ZNF341: variants seen among roughly 807,000 people sequenced by gnomAD.
ZNF341 encodes zinc finger protein 341.
Under a neutral mutation model 87.7 loss-of-function variants are expected in ZNF341, and 52 were observed. The observed-to-expected ratio is 0.59, with a 90% CI of 0.47 to 0.75. ZNF341 has a LOEUF of 0.75. Ranked by LOEUF, ZNF341 falls within the 30% of genes least tolerant of loss-of-function variation. The pLI, the probability that ZNF341 is intolerant of heterozygous loss-of-function variation, is 0.00. For synonymous variants in ZNF341, 459 were observed against 472.7 expected (o/e 0.97, Z 0.38); for missense variants, 977 against 1,145.9 (o/e 0.85, Z 2.13).
At chr20:33,737,457 G>A (rs1379389386) in intron 1 of ZNF341, among the ~76,000 whole-genome samples, 1 of 152,184 alleles carries the variant, frequency 6.6e-6, no homozygotes, top group African/African-American at 2.4e-5. Context: ...AAGTAGCTGG[G>A]ACTGCAGGCA....
At chr20:33,775,467 C>T (rs1055002648) in intron 10 of ZNF341, among the ~76,000 whole-genome samples, 2 of 151,440 alleles carry the variant, frequency 1.3e-5, no homozygotes, top group Non-Finnish European at 2.9e-5. Context: ...CCTCGGCCTC[C>T]CAAAGTGCTA....
chr20:33,783,154 C>CAAATA (rs71192773), intron 11 of ZNF341, among the ~76,000 whole-genome samples: 40 of 149,990 alleles, frequency 2.7e-4, no homozygotes, highest in African/African-American at 7.6e-4. Context: ...AACTGCATCT[C>CAAATA]AAATAAAATA....
At position 33,789,532 on chromosome 20, in the gene ZNF341, G is replaced by A; in HGVS notation, c.1979G>A (p.Cys660Tyr). ...YKCPFSTHTGCSKEFNRPDKL... is the reference protein window; with the variant it reads ...YKCPFSTHTGYSKEFNRPDKL... ...TTGGGTTTTAGGACGCACACAGGCT[G>A]CAGTAAGGAGTTCAACCGGCCGGAC... The change falls in exon 14 of 15, where the codon TGC (cysteine) becomes TAC (tyrosine). Residue 660 changes from cysteine (C) to tyrosine (Y), a missense_variant. Around this residue, in one of 3 missense-constraint regions of ZNF341, gnomAD observed 241 missense variants for 335.0 expected, o/e 0.72. Transcript: ENST00000375200. 6.2e-7 allele frequency: 1 copy of A among 1,614,102 alleles called. No homozygotes were observed.
rs1214627329 is a variant in ZNF341 at position 33,732,523 on chromosome 20, G to A, written c.31+471G>A. ...ACTGTATGCCTCGTGCTAGGACGTAGTCTCAAAATCAGACCACAGCAGCAG... is the reference window on the plus strand; with the variant it reads ...ACTGTATGCCTCGTGCTAGGACGTAATCTCAAAATCAGACCACAGCAGCAG... On this transcript the variant is annotated intron_variant, in intron 1 of 14. Coordinates refer to ENST00000375200, the MANE Select transcript of ZNF341 (RefSeq NM_001282933.2). This position sits in a 1 kb window ranked among gnomAD's most constrained non-coding sequence, Gnocchi z 4.5. Among the ~76,000 whole-genome samples the A allele has an allele frequency of 1.3e-5, 2 of 152,238 alleles. No individual in the cohort carries two copies. Among genetic ancestry groups the A allele is most frequent in the East Asian group, 3.8e-4 (2 of 5,204 alleles).
intron 4 of ZNF341, among the ~76,000 whole-genome samples, chr20:33,750,603 A>G (rs1240868822): frequency 2.0e-5 from 3 of 151,788 alleles, no homozygotes; most frequent in African/African-American, 4.8e-5. Flanking sequence ...AGCTGGGACT[A>G]CATACATGGT....
intron 10 of ZNF341, among the ~76,000 whole-genome samples, chr20:33,772,185 G>A (rs1428203656): frequency 6.6e-6 from 1 of 152,032 alleles, no homozygotes; most frequent in Non-Finnish European, 1.5e-5. Flanking sequence ...ATGATGTCAT[G>A]AAATCCCCCA....
Position 33,791,445 on chromosome 20 carries a change from G to A in ZNF341, c.2493G>A (p.Ala831=), listed in dbSNP as rs146876084. ...GGCTGGGCTCCAACCTGGCTCTGGC[G>A]GAGCTGCAGGCTGGGGCCGAGGGCC... ...AEGLGSNLAL[A]ELQAGAEGPC... is the part of the protein sequence containing the mutation. The change falls in exon 15 of 15, where the codon GCG becomes GCA. Residue 831 remains alanine, a synonymous_variant. Coordinates refer to ENST00000375200, the MANE Select transcript of ZNF341 (RefSeq NM_001282933.2). 55 of 1,609,122 alleles carry A rather than the reference G, an allele frequency of 3.4e-5. No individual in the cohort carries two copies. In the African/African-American group the frequency reaches 4.0e-4, roughly 12 times the overall value.
intron 9 of ZNF341, 88 bp downstream of exon 9, chr20:33,767,129 G>T (rs985869922): frequency 6.9e-7 from 1 of 1,448,460 alleles, no homozygotes; most frequent in Non-Finnish European, 9.4e-7. Context: ...CTAGAAAGGG[G>T]TAGGAACCAG....
chr20:33,763,289 A>G (rs979717435), intron 8 of ZNF341, among the ~76,000 whole-genome samples: 7 of 152,122 alleles, frequency 4.6e-5, no homozygotes, highest in Non-Finnish European at 1.0e-4. Flanking sequence ...AATACTAGAC[A>G]TTGTACCAAC....
chr20:33,789,089 T>G lies in ZNF341; in HGVS notation c.1964+115T>G, dbSNP rs2068489500. The G allele has an allele frequency of 4.7e-5, 35 of 747,012 alleles. No homozygotes were observed. In the South Asian group the frequency reaches 6.2e-4, roughly 13 times the overall value. The allele number at this position is 747,012 out of a possible 1,614,324, so 46.3% of individuals were successfully genotyped here. On this transcript the variant is annotated intron_variant, in intron 13 of 14. Transcript: ENST00000375200. ...AGGGCAGGCCTCTCCTTTTTTTTTT[T>G]TTTGGAGACATAGTCTCACTCTGTC...
chr20:33,765,184 G>A (rs533820414), intron 8 of ZNF341, among the ~76,000 whole-genome samples: 1 of 152,186 alleles, frequency 6.6e-6, no homozygotes, highest in East Asian at 1.9e-4. Context: ...ATTGGATAGT[G>A]TAAGGCCAGA....
At position 33,781,283 on chromosome 20, in the gene ZNF341, C is replaced by A; in HGVS notation, c.1623-8C>A. ...TCCTCCCTCATCTCTCCTGCTCCTT[C>A]CACTTAGGTGTGTCAAATGTGTCAA... On this transcript the variant is annotated splice_polypyrimidine_tract_variant and splice_region_variant and intron_variant, in intron 10 of 14. Transcript: ENST00000375200. 2 of 1,612,494 alleles carry A rather than the reference C, an allele frequency of 1.2e-6. No homozygotes were observed. The highest frequency in any genetic ancestry group is 2.2e-5 in the South Asian group (2 of 91,060).
At chr20:33,781,505 C>T in intron 11 of ZNF341, 118 bp downstream of exon 11, 2 of 846,560 alleles carry the variant, frequency 2.4e-6, no homozygotes, top group Non-Finnish European at 3.8e-6. Context: ...GCAGGCAGGG[C>T]TCAGGGGCTG....
chr20:33,766,699 G>A, intron 8 of ZNF341, 152 bp from the exon 9 acceptor site: 1 of 755,062 alleles, frequency 1.3e-6, no homozygotes, highest in Non-Finnish European at 2.1e-6. Flanking sequence ...GTGCACAGCA[G>A]CTGAGTGTGA....
At chr20:33,754,325 G>A (rs761979202) in intron 5 of ZNF341, among the ~76,000 whole-genome samples, 10 of 152,104 alleles carry the variant, frequency 6.6e-5, no homozygotes, top group Admixed American at 3.3e-4. Context: ...AATGCACTGA[G>A]TTCATAGAAC....
At chr20:33,760,117 A>G (rs2019261626) in intron 7 of ZNF341, among the ~76,000 whole-genome samples, 1 of 152,170 alleles carries the variant, frequency 6.6e-6, no homozygotes, top group Admixed American at 6.6e-5. Flanking sequence ...AAATGCTCAA[A>G]TTGGGTTGGG....
chr20:33,790,055 A>G (rs2019966354), intron 14 of ZNF341, among the ~76,000 whole-genome samples: 2 of 151,174 alleles, frequency 1.3e-5, no homozygotes. Flanking sequence ...GGCACCATTG[A>G]CAATTTGGGC....
At chr20:33,754,790 T>C (rs959597630) in intron 5 of ZNF341, among the ~76,000 whole-genome samples, 2 of 152,162 alleles carry the variant, frequency 1.3e-5, no homozygotes, top group East Asian at 1.9e-4. Flanking sequence ...AGAGTAGATA[T>C]CTTACATTGG....
rs564170248 is a variant in ZNF341 at position 33,791,200 on chromosome 20, A to C, written c.2248A>C (p.Arg750=). ...DLQTRRPPQR[R]AAPRSCGSGG... The stretch of plus-strand genomic sequence containing the variant: ...GCAAACCCGGCGGCCCCCCCAGAGG[A>C]GGGCAGCCCCCCGCAGTTGCGGCAG... Residue 750 remains arginine, a synonymous_variant, in exon 15 of 15, where the codon AGG becomes CGG. Coordinates refer to ENST00000375200, the MANE Select transcript of ZNF341 (RefSeq NM_001282933.2). 6.2e-7 allele frequency: 1 copy of C among 1,612,506 alleles called. No homozygotes were observed. The highest frequency in any genetic ancestry group is 2.2e-5 in the East Asian group (1 of 44,854).
Sources: allele counts gnomAD v4.1 joint callset (sites outside exome capture counted in the v4.1 genomes callset), GRCh38; gene constraint gnomAD v4.1.1; regional missense constraint gnomAD v4.1.1; non-coding constraint Gnocchi (gnomAD v3.1); transcripts MANE v1.5; gene names NCBI Gene and HGNC (gene_info 2026-07-23, HGNC 2026-07-21).